Variants in FRMPD4 observed in about 807,000 individuals in gnomAD.
FRMPD4 encodes the protein FERM and PDZ domain containing 4.
Under a neutral mutation model 94.1 loss-of-function variants are expected in FRMPD4, and 22 were observed. The observed-to-expected ratio is 0.23, with a 90% CI of 0.17 to 0.33. FRMPD4 has a LOEUF of 0.33. FRMPD4 is among the 10% of genes least tolerant of loss of function. The pLI is 1.00. For missense variants in FRMPD4, 1,111 were observed against 1,339.9 expected, an observed-to-expected ratio of 0.83 and a Z score of 2.67; for synonymous variants, 631 against 548.6, an observed-to-expected ratio of 1.15 and a Z score of -2.10.
chrX:12,606,660 T>C (rs2059134660), intron 2 of FRMPD4, among the ~76,000 whole-genome samples: 1 of 111,188 alleles, frequency 9.0e-6, no homozygotes, highest in Non-Finnish European at 1.9e-5. Flanking sequence ...TCAGCAAGCT[T>C]TACCTTCCTC....
intron 3 of FRMPD4, among the ~76,000 whole-genome samples, chrX:11,884,696 T>C (rs754357002): frequency 2.0e-4 from 22 of 111,576 alleles, no homozygotes; most frequent in Non-Finnish European, 4.0e-4. Flanking sequence ...GATAATTGAG[T>C]TACCCTTTGA....
At chrX:12,631,059 T>G (rs1227270768) in intron 4 of FRMPD4, among the ~76,000 whole-genome samples, 1 of 110,426 alleles carries the variant, frequency 9.1e-6, no homozygotes, top group African/African-American at 3.3e-5. Flanking sequence ...GATACAAGGG[T>G]GCATGGAAGG....
At chrX:12,386,421 C>G (rs1473388638) in intron 1 of FRMPD4, among the ~76,000 whole-genome samples, 4 of 112,010 alleles carry the variant, frequency 3.6e-5, no homozygotes, top group African/African-American at 1.3e-4. Context: ...GGGACTTTTT[C>G]TAATTTTTGT....
intron 1 of FRMPD4, among the ~76,000 whole-genome samples, chrX:12,459,101 C>G (rs1245106987): frequency 1.8e-5 from 2 of 111,501 alleles, no homozygotes; most frequent in Non-Finnish European, 3.8e-5. Flanking sequence ...AGAGAAAGTA[C>G]TTCTTTTCAG....
chrX:11,997,937 G>C (rs780677812), intron 3 of FRMPD4, among the ~76,000 whole-genome samples: 1 of 111,516 alleles, frequency 9.0e-6, no homozygotes, highest in Non-Finnish European at 1.9e-5. Context: ...ATGGCTCCCT[G>C]CTTGTGTAAA....
At chrX:12,296,313 G>A (rs929665245) in intron 1 of FRMPD4, among the ~76,000 whole-genome samples, 2 of 112,023 alleles carry the variant, frequency 1.8e-5, no homozygotes, top group African/African-American at 3.2e-5. Flanking sequence ...AAGGGCAGTA[G>A]TATTTAATGC....
chrX:11,883,332 A>G (rs752897578), intron 3 of FRMPD4, among the ~76,000 whole-genome samples: 1 of 112,220 alleles, frequency 8.9e-6, no homozygotes, highest in African/African-American at 3.2e-5. Context: ...ATGATTTGCC[A>G]TTGGATCTGG....
intron 1 of FRMPD4, among the ~76,000 whole-genome samples, chrX:12,190,797 C>G (rs761814532): frequency 1.8e-5 from 2 of 108,788 alleles, no homozygotes; most frequent in African/African-American, 3.3e-5. Flanking sequence ...AGTTATAAAA[C>G]TCTTAGAAAA....
In FRMPD4 at chrX:12,388,495, C is replaced by T. The variant is rs7066210; in HGVS notation, c.42-110185C>T. 3.4e-3 allele frequency among the ~76,000 whole-genome samples: 368 copies of T among 108,540 alleles called. 2 individuals are homozygous for T. Among genetic ancestry groups the T allele is most frequent in the African/African-American group, 0.012 (347 of 29,717 alleles). 94.3% of individuals were successfully genotyped at this position (108,540 alleles called of 115,157 possible). On this transcript the variant is annotated intron_variant, in intron 1 of 16. Transcript: ENST00000675598. ...TGGCGTGCACCTGTAGTCCCAGCTA[C>T]TCGGGGAGCTGAGGCAGGAAAATTG...
intron 2 of FRMPD4, among the ~76,000 whole-genome samples, chrX:12,544,485 T>C (rs1040733821): frequency 9.0e-6 from 1 of 111,690 alleles, no homozygotes; most frequent in Non-Finnish European, 1.9e-5. Flanking sequence ...TTAAGTGTCT[T>C]GGTTATTTCT....
At chrX:11,942,487 G>T (rs1201006021) in intron 3 of FRMPD4, among the ~76,000 whole-genome samples, 4 of 111,484 alleles carry the variant, frequency 3.6e-5, no homozygotes, top group Non-Finnish European at 7.5e-5. Context: ...AACTCTAGTT[G>T]TAGTAAAATT....
At chrX:11,913,223 G>A (rs1332341783) in intron 3 of FRMPD4, among the ~76,000 whole-genome samples, 1 of 112,339 alleles carries the variant, frequency 8.9e-6, no homozygotes, top group East Asian at 2.8e-4. Context: ...GGTGAGTACA[G>A]TCAGGAATTT....
intron 10 of FRMPD4, 25 bp from the exon 11 acceptor site, chrX:12,704,334 A>G: frequency 9.0e-7 from 1 of 1,105,906 alleles, no homozygotes; most frequent in Non-Finnish European, 1.2e-6. Context: ...GAAATGTGAA[A>G]TTAAAGATAT....
At position 12,048,524 on chromosome X, in the gene FRMPD4, T is replaced by C. The variant is rs141315000; in HGVS notation, c.95+170506T>C. 9.4e-4 allele frequency among the ~76,000 whole-genome samples: 105 copies of C among 112,218 alleles called. 1 individual carries two copies. The East Asian group carries it at 0.02, about 22-fold the overall frequency. The stretch of plus-strand genomic sequence containing the variant: ...CCCCACTTTTTTGTTTTTGTTACAA[T>C]TGCTTTTGAGGACTTAGTCATAAAT... On this transcript the variant is annotated intron_variant, in intron 3 of 18. Transcript: ENST00000640291.
At chrX:12,509,011 A>AAAAAAAAAG (rs1355682093) in intron 2 of FRMPD4, among the ~76,000 whole-genome samples, 1 of 107,902 alleles carries the variant, frequency 9.3e-6, no homozygotes, top group Non-Finnish European at 1.9e-5. Context: ...AAAAAAAAAA[A>AAAAAAAAAG]AAAAGAATTT....
chrX:12,504,358 G>T (rs2057956380), intron 2 of FRMPD4, among the ~76,000 whole-genome samples: 1 of 112,680 alleles, frequency 8.9e-6, no homozygotes, highest in Non-Finnish European at 1.9e-5. Context: ...CGCATGATGG[G>T]TTCTGCATAA....
At chrX:11,974,490 C>T (rs1444858885) in intron 3 of FRMPD4, among the ~76,000 whole-genome samples, 2 of 111,839 alleles carry the variant, frequency 1.8e-5, no homozygotes, top group Admixed American at 1.9e-4. Context: ...GCCACGTAAA[C>T]CTCTTTTCTT....
chrX:12,334,402 G>T (rs2055482888), intron 1 of FRMPD4, among the ~76,000 whole-genome samples: 1 of 111,223 alleles, frequency 9.0e-6, no homozygotes, highest in Non-Finnish European at 1.9e-5. Context: ...CTGCCTCAAT[G>T]GTGGTGCAGT....
At chrX:12,384,095 A>G (rs1395413447) in intron 1 of FRMPD4, among the ~76,000 whole-genome samples, 4 of 112,071 alleles carry the variant, frequency 3.6e-5, no homozygotes, top group Non-Finnish European at 7.5e-5. Flanking sequence ...AATTGGCACA[A>G]CAGATTGTTG....
Sources: gnomAD v4.1 joint callset for allele counts (sites outside exome capture counted in the v4.1 genomes callset) on GRCh38, gnomAD v4.1.1 for gene constraint, MANE v1.5 for transcripts, NCBI Gene and HGNC (gene_info 2026-07-23, HGNC 2026-07-21) for gene names.